USP7: variants seen among roughly 807,000 people sequenced by gnomAD.
The protein encoded by USP7 is ubiquitin C-terminal hydrolase 7.
In USP7, 9 loss-of-function variants were observed where a neutral mutation model predicts 162.9. The observed-to-expected ratio is 0.06, with a 90% confidence interval of 0.03 to 0.10. The LOEUF is 0.10. Ranked by LOEUF, USP7 falls within the 10% of genes least tolerant of loss-of-function variation. The pLI is 1.00. For missense variants in USP7, 715 were observed against 1,373.7 expected, an observed-to-expected ratio of 0.52 and a Z score of 7.58; for synonymous variants, 562 against 475.9, an observed-to-expected ratio of 1.18 and a Z score of -2.35.
chr16:8,899,383 A>G, intron 22 of USP7, 195 bp from the exon 23 acceptor site: 1 of 767,458 alleles, frequency 1.3e-6, no homozygotes, highest in Non-Finnish European at 2.1e-6. Flanking sequence ...ATAACTTTGG[A>G]AAGGGTTTTC....
At chr16:8,916,586 T>TA (rs1897378477) in intron 7 of USP7, 30 bp from the exon 8 acceptor site, 11 of 1,449,216 alleles carry the variant, frequency 7.6e-6, no homozygotes, top group Non-Finnish European at 1.0e-5. Flanking sequence ...CAACTCCATT[T>TA]AAAGCTCAAC....
intron 1 of USP7, chr16:8,962,825 C>T: frequency 1.3e-5 from 2 of 157,716 alleles, no homozygotes; most frequent in Middle Eastern, 3.2e-3. Context: ...TCAGGAATTC[C>T]CCAGCCACAC....
At chr16:8,915,154 T>G (rs1304819083) in intron 10 of USP7, 100 bp downstream of exon 10, 5 of 1,119,664 alleles carry the variant, frequency 4.5e-6, no homozygotes, top group Non-Finnish European at 5.1e-6. Flanking sequence ...CCATTCTCTG[T>G]GTTTAGACTA....
chr16:8,951,830 A>T (rs1237960214), intron 1 of USP7, among the ~76,000 whole-genome samples: 1 of 152,230 alleles, frequency 6.6e-6, no homozygotes, highest in Non-Finnish European at 1.5e-5. Context: ...TGAACACCTG[A>T]TTCACAAAGG....
rs753346185 is a variant in USP7, at chr16:8,901,142, G to T, written c.2140C>A (p.Arg714Ser). 4 of 1,613,170 alleles carry T rather than the reference G, an allele frequency of 2.5e-6. No homozygotes were observed. The highest frequency in any genetic ancestry group is 3.4e-6 in the Non-Finnish European group (4 of 1,179,148). Residue 714 changes from arginine (R) to serine (S), a missense_variant and splice_region_variant, in exon 19 of 31, where the codon CGT becomes AGT. By Grantham distance (110) the Arg-to-Ser change is moderately radical (BLOSUM62 -1). Transcript: ENST00000344836. Reference protein sequence around the residue: ...HIYTPISCKIRDLLPVMCDRA... With the variant: ...HIYTPISCKISDLLPVMCDRA... ...GAAGGTAAGTGCACGAAGGACTTAC[G>T]TATTTTACAGGATATTGGTGTGTAG...
rs1375925456 is a variant in USP7 at position 8,892,101 on chromosome 16, G to GA, written c.*1896dup. ...CGGAAACATTACAACACGTTCTTTG[G>GA]AAAAAGAGTCATTTAATACCTTAAG... is the stretch of plus-strand genomic sequence containing the variant. On this transcript the variant is annotated 3_prime_UTR_variant, in exon 31 of 31. Transcript: ENST00000344836. The GA allele has an allele frequency of 1.3e-5, 2 of 152,282 alleles. No individual in the cohort carries two copies. Among genetic ancestry groups the GA allele is most frequent in the African/African-American group, 4.8e-5 (2 of 41,554 alleles). 9.4% of individuals were successfully genotyped at this position (152,282 alleles called of 1,614,324 possible). A position where few individuals can be genotyped will look rare whatever the true frequency, so the allele number is the denominator to read the frequency against.
At chr16:8,935,129 T>C (rs1596398347) in intron 1 of USP7, among the ~76,000 whole-genome samples, 1 of 152,190 alleles carries the variant, frequency 6.6e-6, no homozygotes, top group Non-Finnish European at 1.5e-5. Context: ...ATACCAAGTT[T>C]TATATGCCAC....
At chr16:8,915,939 T>C (rs1897344782) in intron 8 of USP7, among the ~76,000 whole-genome samples, 1 of 152,256 alleles carries the variant, frequency 6.6e-6, no homozygotes, top group Non-Finnish European at 1.5e-5. Context: ...TCAATCCAGC[T>C]AGTGCTGCAA....
intron 1 of USP7, among the ~76,000 whole-genome samples, chr16:8,931,024 A>G (rs978089869): frequency 6.6e-6 from 1 of 152,102 alleles, no homozygotes; most frequent in African/African-American, 2.4e-5. Flanking sequence ...ATAGCTAATC[A>G]GCGTAAAGAA....
chr16:8,931,882 A>G (rs1898366684), intron 1 of USP7, among the ~76,000 whole-genome samples: 1 of 152,236 alleles, frequency 6.6e-6, no homozygotes. Context: ...TTGCCTACAC[A>G]GTCGGCTTTC....
intron 19 of USP7, 36 bp downstream of exon 19, chr16:8,901,106 A>G: frequency 6.2e-7 from 1 of 1,612,660 alleles, no homozygotes; most frequent in Non-Finnish European, 8.5e-7. Context: ...GTACTGAGCA[A>G]AATCTACTCA....
rs146784793 is a variant in USP7, at chr16:8,948,833, G to A, written c.79+14374C>T. 7.2e-3 allele frequency among the ~76,000 whole-genome samples: 1,089 copies of A among 152,298 alleles called. 9 individuals carry two copies. Among genetic ancestry groups the A allele is most frequent in the Admixed American group, 0.013 (202 of 15,288 alleles). ...ACAAAACTTAGCCAGGCGTGGTGGC[G>A]TGTGCCTGCAGTTCCAGCTACTCGG... On this transcript the variant is annotated intron_variant, in intron 1 of 30. Coordinates refer to ENST00000344836, the MANE Select transcript of USP7 (RefSeq NM_003470.3).
chr16:8,959,026 T>C (rs1348040895), intron 1 of USP7, among the ~76,000 whole-genome samples: 2 of 152,130 alleles, frequency 1.3e-5, no homozygotes, highest in Non-Finnish European at 2.9e-5. Context: ...TAGTGTCACA[T>C]TTTCTTGGCT....
intron 4 of USP7, 93 bp from the exon 5 acceptor site, chr16:8,920,540 G>A (rs188957037): frequency 3.9e-6 from 4 of 1,013,080 alleles, no homozygotes; most frequent in Non-Finnish European, 5.6e-6. Context: ...ACTTAATAGA[G>A]ATGAAAATAC....
At chr16:8,950,057 T>C (rs1596412314) in intron 1 of USP7, among the ~76,000 whole-genome samples, 1 of 152,234 alleles carries the variant, frequency 6.6e-6, no homozygotes, top group African/African-American at 2.4e-5. Flanking sequence ...AACATGGCTG[T>C]TGTGACAGAG....
chr16:8,922,426 T>C (rs183914747), intron 3 of USP7, among the ~76,000 whole-genome samples: 2 of 152,174 alleles, frequency 1.3e-5, no homozygotes, highest in South Asian at 2.1e-4. Context: ...AGGTGGAGGT[T>C]GTGGTGAGCC....
At chr16:8,962,712 C>T in intron 1 of USP7, 1 of 185,750 alleles carries the variant, frequency 5.4e-6, no homozygotes. Context: ...CGACGCTAGG[C>T]AGTGCTGTTA....
chr16:8,920,716 TC>T (rs1311742247), intron 4 of USP7, among the ~76,000 whole-genome samples: 4 of 152,304 alleles, frequency 2.6e-5, no homozygotes, highest in Admixed American at 6.5e-5. Flanking sequence ...TCTGTGCCCC[TC>T]TAAGCAGGGG....
At chr16:8,957,735 C>G (rs1193557370) in intron 1 of USP7, among the ~76,000 whole-genome samples, 2 of 150,414 alleles carry the variant, frequency 1.3e-5, no homozygotes, top group Non-Finnish European at 3.0e-5. Flanking sequence ...ACAGCCAGAG[C>G]AACAGAGCAA....
Sources: gnomAD v4.1 joint callset for allele counts (sites outside exome capture counted in the v4.1 genomes callset) on GRCh38, gnomAD v4.1.1 for gene constraint, MANE v1.5 for transcripts, NCBI Gene and HGNC (gene_info 2026-07-23, HGNC 2026-07-21) for gene names.